MSRB3: variants seen among roughly 807,000 people sequenced by gnomAD.
MSRB3 encodes methionine-R-sulfoxide reductase B3.
In MSRB3, 13 loss-of-function variants were observed where a neutral mutation model predicts 21.0. The ratio of observed to expected loss-of-function variants is 0.62; its 90% CI spans 0.40 to 0.98. MSRB3 has a LOEUF of 0.98. MSRB3 is among the 50% of genes least tolerant of loss of function. MSRB3 has a pLI of 0.00. For synonymous variants in MSRB3, 87 were observed against 88.6 expected, an observed-to-expected ratio of 0.98 and a Z score of 0.10; for missense variants, 199 against 230.3, an observed-to-expected ratio of 0.86 and a Z score of 0.88.
intron 1 of MSRB3, among the ~76,000 whole-genome samples, chr12:65,298,301 G>C (rs73318430): frequency 0.026 from 3,982 of 152,290 alleles, 186 homozygotes; most frequent in African/African-American, 0.091. Flanking sequence ...ACCACACCCT[G>C]CTGATGGGAC....
intron 5 of MSRB3, chr12:65,419,162 CCAACTG>C: frequency 1.5e-6 from 1 of 687,108 alleles, no homozygotes; most frequent in South Asian, 1.6e-5. Flanking sequence ...CCAACCTTGG[CCAACTG>C]CATGGTGACC....
At chr12:65,423,061 C>T (rs761745295) in intron 5 of MSRB3, among the ~76,000 whole-genome samples, 1 of 148,356 alleles carries the variant, frequency 6.7e-6, no homozygotes, top group Non-Finnish European at 1.5e-5. Context: ...CACCTGGGTT[C>T]AAGTGATTCT....
intron 4 of MSRB3, among the ~76,000 whole-genome samples, chr12:65,368,304 A>G (rs1275844581): frequency 1.3e-5 from 2 of 152,210 alleles, no homozygotes; most frequent in Admixed American, 6.5e-5. Context: ...GAGCATGCCC[A>G]CTAATTGGTT....
At chr12:65,453,970 T>C in intron 6 of MSRB3, 145 bp downstream of exon 6, 1 of 725,914 alleles carries the variant, frequency 1.4e-6, no homozygotes, top group Non-Finnish European at 2.5e-6. Flanking sequence ...GATGCCTATG[T>C]TCAGGTGTTT....
intron 5 of MSRB3, among the ~76,000 whole-genome samples, chr12:65,396,135 A>C (rs1447271941): frequency 6.6e-6 from 1 of 152,174 alleles, no homozygotes; most frequent in African/African-American, 2.4e-5. Flanking sequence ...AAATGTATTC[A>C]ATGCTATAAT....
chr12:65,360,667 A>G (rs1223388135), intron 4 of MSRB3, among the ~76,000 whole-genome samples: 1 of 151,996 alleles, frequency 6.6e-6, no homozygotes, highest in African/African-American at 2.4e-5. Flanking sequence ...TTACCTTTTT[A>G]ATGGGATAGC....
At chr12:65,331,620 T>C (rs1021427970) in intron 4 of MSRB3, among the ~76,000 whole-genome samples, 12 of 152,232 alleles carry the variant, frequency 7.9e-5, no homozygotes, top group African/African-American at 2.9e-4. Context: ...CCAAACCATG[T>C]GAGCGGAGCG....
rs571895116 is a variant in MSRB3 at position 65,424,702 on chromosome 12, T to C, written c.293-29026T>C. Among the ~76,000 whole-genome samples, 11 of 152,030 alleles carry C rather than the reference T, an allele frequency of 7.2e-5. No individual in the cohort carries two copies. In the East Asian group the frequency reaches 2.1e-3, roughly 30 times the overall value. Reference sequence around the variant, plus strand: ...GATACAATTTCAGTTTTCTTAAATTTGTTAAGTTGTGTTTTGTAGCCTAAC... The same window carrying C: ...GATACAATTTCAGTTTTCTTAAATTCGTTAAGTTGTGTTTTGTAGCCTAAC... On this transcript the variant is annotated intron_variant, in intron 5 of 6. Coordinates refer to ENST00000308259, the MANE Select transcript of MSRB3 (RefSeq NM_001031679.3).
intron 5 of MSRB3, among the ~76,000 whole-genome samples, chr12:65,415,187 A>G (rs1880906176): frequency 6.6e-6 from 1 of 152,158 alleles, no homozygotes; most frequent in African/African-American, 2.4e-5. Context: ...AGAAGACAAC[A>G]GTATCTTCCA....
chr12:65,434,885 A>T (rs1051996170), intron 5 of MSRB3, among the ~76,000 whole-genome samples: 2 of 151,924 alleles, frequency 1.3e-5, no homozygotes, highest in African/African-American at 4.8e-5. Context: ...GTATCTTGCC[A>T]GAAATTTCAT....
chr12:65,355,638 G>T (rs1238700313), intron 4 of MSRB3, among the ~76,000 whole-genome samples: 2 of 151,622 alleles, frequency 1.3e-5, no homozygotes, highest in African/African-American at 4.8e-5. Context: ...TTACTTCTAT[G>T]TACTCACTTA....
intron 6 of MSRB3, among the ~76,000 whole-genome samples, chr12:65,455,794 T>TG (rs1451581710): frequency 4.6e-5 from 7 of 152,138 alleles, no homozygotes; most frequent in Admixed American, 6.6e-5. Flanking sequence ...TGGAGTGTGG[T>TG]GGCATGATCT....
chr12:65,381,072 A>G (rs543146503), intron 5 of MSRB3, among the ~76,000 whole-genome samples: 17 of 152,330 alleles, frequency 1.1e-4, no homozygotes, highest in Non-Finnish European at 1.9e-4. Context: ...AATTAAAATA[A>G]CATGCATTTA....
chr12:65,409,350 A>G (rs901416744), intron 5 of MSRB3, among the ~76,000 whole-genome samples: 9 of 152,134 alleles, frequency 5.9e-5, no homozygotes, highest in Non-Finnish European at 1.0e-4. Flanking sequence ...GCTATGTAAT[A>G]TAGTCTATTG....
intron 4 of MSRB3, among the ~76,000 whole-genome samples, chr12:65,343,594 T>A (rs966707911): frequency 6.6e-6 from 1 of 152,098 alleles, no homozygotes; most frequent in Admixed American, 6.6e-5. Context: ...ACCATGCATT[T>A]TGCTAAGCAC....
chr12:65,360,626 C>A (rs1361309973), intron 4 of MSRB3, among the ~76,000 whole-genome samples: 1 of 151,972 alleles, frequency 6.6e-6, no homozygotes, highest in Non-Finnish European at 1.5e-5. Context: ...TTTCTTTATT[C>A]CTGGGAATGC....
At chr12:65,306,024 T>C (rs2136419176) in intron 1 of MSRB3, among the ~76,000 whole-genome samples, 1 of 152,336 alleles carries the variant, frequency 6.6e-6, no homozygotes, top group Non-Finnish European at 1.5e-5. Context: ...TTAATCATTA[T>C]CTTATAAGTG....
Position 65,369,019 on chromosome 12 carries a change from C to A in MSRB3, c.285C>A (p.Ser95=), listed in dbSNP as rs151307487. 1.3e-6 allele frequency: 2 copies of A among 1,494,486 alleles called. No homozygotes were observed. The highest frequency in any genetic ancestry group is 1.1e-5 in the South Asian group (1 of 89,024). The allele number at this position is 1,494,486 out of a possible 1,614,324, so 92.6% of individuals were successfully genotyped here. Residue 95 remains serine, a synonymous_variant, in exon 5 of 7, where the codon TCC becomes TCA. Transcript: ENST00000308259. ...PLFKSETKFD[S]GSGWPSFHDV... is the part of the protein sequence containing the mutation. ...GCAGGTCAGAAACCAAATTTGACTC[C>A]GGTTCAGGTATGTTTACATTAATAA...
At chr12:65,316,026 A>G (rs1464324010) in intron 2 of MSRB3, 1 of 152,120 alleles carries the variant, frequency 6.6e-6, no homozygotes, top group Non-Finnish European at 1.5e-5. Context: ...CCTTCTGCAA[A>G]TTTTAGATAA....
Sources: allele counts gnomAD v4.1 joint callset (sites outside exome capture counted in the v4.1 genomes callset), GRCh38; gene constraint gnomAD v4.1.1; transcripts MANE v1.5; gene names NCBI Gene and HGNC (gene_info 2026-07-23, HGNC 2026-07-21).